The following ERLIN1 variants were observed in gnomAD, a reference collection of about 807,000 sequenced individuals.
ERLIN1 encodes ER lipid raft associated 1.
In ERLIN1, 24 loss-of-function variants were observed where a neutral mutation model predicts 46.9. The ratio of observed to expected loss-of-function variants is 0.51; its 90% CI spans 0.37 to 0.72. The LOEUF is 0.72. Ranked by LOEUF, ERLIN1 falls within the 30% of genes least tolerant of loss-of-function variation. The probability of loss-of-function intolerance (pLI) is 0.00; values close to 1 mark genes in which losing one functional copy is unlikely to be tolerated. For missense variants in ERLIN1, 293 were observed against 417.9 expected (o/e 0.70, Z 2.61); for synonymous variants, 158 against 143.2 (o/e 1.10, Z -0.74).
chr10:100,174,482 GA>G, intron 5 of ERLIN1, among the ~76,000 whole-genome samples: 1 of 152,186 alleles, frequency 6.6e-6, no homozygotes, highest in South Asian at 2.1e-4. Flanking sequence ...AAGGAACGAA[GA>G]TGACAAGCAG....
At chr10:100,183,526 T>G (rs1212303038) in intron 2 of ERLIN1, among the ~76,000 whole-genome samples, 1 of 152,230 alleles carries the variant, frequency 6.6e-6, no homozygotes, top group African/African-American at 2.4e-5. Flanking sequence ...ATGGTAGAAG[T>G]CAGTCCTTCC....
intron 7 of ERLIN1, among the ~76,000 whole-genome samples, chr10:100,166,477 G>C (rs1843648541): frequency 6.6e-6 from 1 of 151,358 alleles, no homozygotes; most frequent in Non-Finnish European, 1.5e-5. Flanking sequence ...TATGAGCTCA[G>C]AGAAGGTATG....
chr10:100,155,398 T>A (rs1445370228), intron 9 of ERLIN1, among the ~76,000 whole-genome samples: 1 of 151,050 alleles, frequency 6.6e-6, no homozygotes, highest in East Asian at 1.9e-4. Flanking sequence ...CATCTCACTA[T>A]GTGAAATCAA....
intron 8 of ERLIN1, among the ~76,000 whole-genome samples, chr10:100,158,368 G>A (rs1229481223): frequency 6.6e-6 from 1 of 152,196 alleles, no homozygotes; most frequent in Non-Finnish European, 1.5e-5. Context: ...CAACATACTT[G>A]TAAATAGGTG....
At position 100,176,706 on chromosome 10, in the gene ERLIN1, G is replaced by A. The variant is rs548914932; in HGVS notation, c.305-636C>T. 1.2e-4 allele frequency among the ~76,000 whole-genome samples: 18 copies of A among 152,200 alleles called. No homozygotes were observed. In the South Asian group the frequency reaches 2.3e-3, roughly 19 times the overall value. Reference sequence around the variant, plus strand: ...AGAGAATTTTAGAAATGCCCAAAAGGTACATACTAGACCACGTCAGAACCT... The same window carrying A: ...AGAGAATTTTAGAAATGCCCAAAAGATACATACTAGACCACGTCAGAACCT... On this transcript the variant is annotated intron_variant, in intron 4 of 10. Coordinates refer to ENST00000421367, the MANE Select transcript of ERLIN1 (RefSeq NM_006459.4).
chr10:100,153,302 G>A (rs999290439), intron 10 of ERLIN1, among the ~76,000 whole-genome samples: 4 of 152,062 alleles, frequency 2.6e-5, no homozygotes, highest in African/African-American at 9.7e-5. Flanking sequence ...GAACCTATCT[G>A]GGTTTGATTA....
rs1844936106 is a variant in ERLIN1 at position 100,185,760 on chromosome 10, CT to C, written c.-135del. 1 of 682,014 alleles carries C rather than the reference CT, an allele frequency of 1.5e-6. No homozygotes were observed. The highest frequency in any genetic ancestry group is 1.8e-5 in the African/African-American group (1 of 55,762). The allele number at this position is 682,014 out of a possible 1,614,324, so 42.2% of individuals were successfully genotyped here. On this transcript the variant is annotated 5_prime_UTR_variant, in exon 1 of 11. The change abolishes the stop of an existing upstream ORF in the 5' untranslated region. Coordinates refer to ENST00000421367, the MANE Select transcript of ERLIN1 (RefSeq NM_006459.4). ...GGCTGAGCCGGGGAGTCCAGTACCCCTGTCCCCTCATTCTTCCCTTCTGGCT... is the reference window on the plus strand; with the variant it reads ...GGCTGAGCCGGGGAGTCCAGTACCCCGTCCCCTCATTCTTCCCTTCTGGCT...
At position 100,156,084 on chromosome 10, in the gene ERLIN1, C is replaced by G. The variant is rs529028902; in HGVS notation, c.745+61G>C. The G allele has an allele frequency of 3.0e-4, 322 of 1,057,426 alleles. 1 individual carries two copies. Among genetic ancestry groups the G allele is most frequent in the Middle Eastern group, 1.6e-3 (8 of 5,036 alleles). 65.5% of individuals were successfully genotyped at this position (1,057,426 alleles called of 1,614,324 possible). A position where few individuals can be genotyped will look rare whatever the true frequency, so the allele number is the denominator to read the frequency against. On this transcript the variant is annotated intron_variant, in intron 9 of 10. Transcript: ENST00000421367. The stretch of plus-strand genomic sequence containing the variant: ...ACCCACCACAATCAAAGGCCTGAAC[C>G]CTGGAGCAGAGAGGAGGCAGTTCGG...
intron 7 of ERLIN1, among the ~76,000 whole-genome samples, chr10:100,165,455 C>T (rs145968383): frequency 7.7e-4 from 114 of 148,416 alleles, no homozygotes; most frequent in African/African-American, 2.5e-3. Context: ...GGCACTATCT[C>T]GACTCACTGC....
chr10:100,169,667 A>G (rs1843876561), intron 6 of ERLIN1, among the ~76,000 whole-genome samples: 2 of 152,136 alleles, frequency 1.3e-5, no homozygotes, highest in South Asian at 4.1e-4. Context: ...AATTCATTAA[A>G]TCCATTGGTA....
At chr10:100,157,847 A>G (rs901862687) in intron 8 of ERLIN1, among the ~76,000 whole-genome samples, 3 of 152,274 alleles carry the variant, frequency 2.0e-5, no homozygotes, top group African/African-American at 7.2e-5. Flanking sequence ...TCATGTGGGA[A>G]TAAATCAATA....
intron 8 of ERLIN1, among the ~76,000 whole-genome samples, chr10:100,158,230 T>C (rs189900791): frequency 4.7e-4 from 72 of 152,310 alleles, no homozygotes; most frequent in Admixed American, 4.6e-3. Flanking sequence ...CCAGCCCAGT[T>C]AAGAAGTAAC....
At chr10:100,164,492 A>G (rs564378671) in intron 7 of ERLIN1, among the ~76,000 whole-genome samples, 4 of 152,234 alleles carry the variant, frequency 2.6e-5, no homozygotes, top group Non-Finnish European at 5.9e-5. Context: ...CTGCAGGTGC[A>G]TGGTTTGACA....
intron 6 of ERLIN1, among the ~76,000 whole-genome samples, chr10:100,172,431 A>T (rs1844056773): frequency 1.3e-5 from 2 of 152,228 alleles, no homozygotes; most frequent in South Asian, 4.1e-4. Flanking sequence ...TTTCTACAAC[A>T]TAAATAACGT....
In ERLIN1 at chr10:100,150,158, T is replaced by C. The variant is rs1337964531; in HGVS notation, c.*1973A>G. ...AAGGTAGCATTTCAACATATAAATT[T>C]AGACTCAAGATTACAGTGTATATTT... On this transcript the variant is annotated 3_prime_UTR_variant, in exon 11 of 11. Coordinates refer to ENST00000421367, the MANE Select transcript of ERLIN1 (RefSeq NM_006459.4). The C allele has an allele frequency of 1.3e-5, 2 of 152,178 alleles. No individual in the cohort carries two copies. Among genetic ancestry groups the C allele is most frequent in the Admixed American group, 1.3e-4 (2 of 15,270 alleles). The allele number at this position is 152,178 out of a possible 1,614,324, so 9.4% of individuals were successfully genotyped here. A position where few individuals can be genotyped will look rare whatever the true frequency, so the allele number is the denominator to read the frequency against.
At chr10:100,181,944 G>T (rs180871432) in intron 2 of ERLIN1, among the ~76,000 whole-genome samples, 1 of 152,060 alleles carries the variant, frequency 6.6e-6, no homozygotes, top group Non-Finnish European at 1.5e-5. Flanking sequence ...TTGTAGATGC[G>T]AAGTATTTTA....
intron 8 of ERLIN1, 97 bp from the exon 9 acceptor site, chr10:100,156,331 GAA>G: frequency 1.4e-6 from 1 of 734,958 alleles, no homozygotes; most frequent in East Asian, 2.7e-5. Context: ...TTTAATTACA[GAA>G]AGTTTTATGT....
At chr10:100,176,881 G>C (rs1040192338) in intron 4 of ERLIN1, among the ~76,000 whole-genome samples, 46 of 152,156 alleles carry the variant, frequency 3.0e-4, no homozygotes, top group African/African-American at 1.1e-3. Flanking sequence ...CCAGCACTTT[G>C]GGAGGCTGAG....
chr10:100,167,335 G>A lies in ERLIN1; in HGVS notation c.563+13C>T, dbSNP rs1357619664. Reference sequence around the variant, plus strand: ...CTAAACAGAAATATTGGGATCCCATGCATATTACTCACATTAACTCAAAAT... The same window carrying A: ...CTAAACAGAAATATTGGGATCCCATACATATTACTCACATTAACTCAAAAT... On this transcript the variant is annotated intron_variant, in intron 7 of 10. Transcript: ENST00000421367. The A allele has an allele frequency of 1.3e-6, 2 of 1,590,508 alleles. No individual in the cohort carries two copies. The highest frequency in any genetic ancestry group is 1.7e-6 in the Non-Finnish European group (2 of 1,158,976).
Sources: gnomAD v4.1 joint callset for allele counts (sites outside exome capture counted in the v4.1 genomes callset) on GRCh38, gnomAD v4.1.1 for gene constraint, MANE v1.5 for transcripts, NCBI Gene and HGNC (gene_info 2026-07-23, HGNC 2026-07-21) for gene names.